Variants in ZSCAN5B observed in about 807,000 individuals in gnomAD.
ZSCAN5B encodes zinc finger and SCAN domain-containing protein 5B.
Under a neutral mutation model 25.2 loss-of-function variants are expected in ZSCAN5B, and 26 were observed. That is an observed-to-expected ratio of 1.03 (90% CI 0.76 to 1.43). The LOEUF is 1.43. Ranked by LOEUF, ZSCAN5B falls within the 40% of genes most tolerant of loss-of-function variation. The pLI is 0.00. For synonymous variants in ZSCAN5B, 244 were observed against 240.9 expected, an observed-to-expected ratio of 1.01 and a Z score of -0.12; for missense variants, 745 against 622.1, an observed-to-expected ratio of 1.20 and a Z score of -2.10.
rs928490305 is a variant in ZSCAN5B, at chr19:56,197,788, G to T, written c.-182C>A. The T allele has an allele frequency of 7.1e-6, 7 of 985,116 alleles. No homozygotes were observed. Among genetic ancestry groups the T allele is most frequent in the Non-Finnish European group, 8.4e-6 (7 of 829,918 alleles). The allele number at this position is 985,116 out of a possible 1,614,324, so 61.0% of individuals were successfully genotyped here. ...TCGGTCTGGGATGCGCTCTCCAACC[G>T]GCCTGGAGCTGAACTGCGTCTATTT... On this transcript the variant is annotated 5_prime_UTR_variant, in exon 1 of 5. Transcript: ENST00000586855.
chr19:56,195,852 A>G (rs10410743), intron 1 of ZSCAN5B, among the ~76,000 whole-genome samples: 1,816 of 36,820 alleles, frequency 0.049, 39 homozygotes, highest in African/African-American at 0.11. Context: ...TTTTTTTTTA[A>G]AGTTATCTAT....
In ZSCAN5B at chr19:56,190,672, TC is replaced by T. The variant is rs1311716398; in HGVS notation, c.740-98del. ...CAAACACTGACCTTGGCTGAGAACT[TC>T]CCCTCAACCTCAAGCCTAAGACATT... On this transcript the variant is annotated intron_variant, in intron 4 of 4. Coordinates refer to ENST00000586855, the Ensembl canonical transcript of ZSCAN5B. 11 of 1,553,510 alleles carry T rather than the reference TC, an allele frequency of 7.1e-6. No individual in the cohort carries two copies. In the African/African-American group the frequency reaches 1.2e-4, roughly 17 times the overall value.
chr19:56,191,626 C>A (rs926766485), intron 3 of ZSCAN5B, among the ~76,000 whole-genome samples: 2 of 136,742 alleles, frequency 1.5e-5, no homozygotes, highest in African/African-American at 2.6e-5. Context: ...TTCTTACCCA[C>A]CCCCCCACCC....
intron 1 of ZSCAN5B, among the ~76,000 whole-genome samples, chr19:56,194,763 C>A (rs1568586467): frequency 6.6e-6 from 1 of 152,014 alleles, no homozygotes; most frequent in Admixed American, 6.6e-5. Flanking sequence ...TACAGGCCCC[C>A]GCCCAGCTAA....
At position 56,190,716 on chromosome 19, in the gene ZSCAN5B, A is replaced by G. The variant is rs114175631; in HGVS notation, c.739+121T>C. On this transcript the variant is annotated intron_variant, in intron 4 of 4. Coordinates refer to ENST00000586855, the Ensembl canonical transcript of ZSCAN5B. ...AAGACATTGGACTGTAGGTCTCTGGAAAGTGGAGGAGAGATTTTGGCAGCT... is the reference window on the plus strand; with the variant it reads ...AAGACATTGGACTGTAGGTCTCTGGGAAGTGGAGGAGAGATTTTGGCAGCT... The G allele has an allele frequency of 1.0e-3, 1,615 of 1,540,876 alleles. 21 individuals are homozygous for G. The African/African-American group carries it at 0.02, about 19-fold the overall frequency.
Position 56,193,956 on chromosome 19 carries a change from C to CAA in ZSCAN5B, c.-127-779_-127-778dup, listed in dbSNP as rs34181873. ...TGGGTGACAGAGTAAGACTCCATCT[C>CAA]AAAAAAAAAAAAAAAAAAATCCTAT... On this transcript the variant is annotated intron_variant, in intron 1 of 4. Coordinates refer to ENST00000586855, the Ensembl canonical transcript of ZSCAN5B. Among the ~76,000 whole-genome samples the CAA allele has an allele frequency of 2.8e-4, 35 of 123,624 alleles. 1 individual carries two copies. The highest frequency in any genetic ancestry group is 1.3e-3 in the South Asian group (5 of 3,802). The allele number at this position is 123,624 out of a possible 152,430, so 81.1% of individuals were successfully genotyped here.
At chr19:56,191,809 T>C (rs2032737692) in intron 3 of ZSCAN5B, 41 bp downstream of exon 3, 1 of 1,599,904 alleles carries the variant, frequency 6.3e-7, no homozygotes, top group African/African-American at 1.3e-5. Flanking sequence ...TCCTGTTCCT[T>C]CTCCCACCTC....
chr19:56,191,223 C>G (rs1016180921), intron 3 of ZSCAN5B, among the ~76,000 whole-genome samples: 2 of 152,074 alleles, frequency 1.3e-5, no homozygotes, highest in Non-Finnish European at 2.9e-5. Context: ...TTCTCCCCGC[C>G]GTGCCAATGT....
rs563854065 is a variant in ZSCAN5B at position 56,197,426 on chromosome 19, C to T, written c.-128+308G>A. On this transcript the variant is annotated intron_variant, in intron 1 of 4. Coordinates refer to ENST00000586855, the Ensembl canonical transcript of ZSCAN5B. ...CTAATTTTTGTATTTTTGTTAGAGT[C>T]GGGGTTTCACCATGTTGGTCAGACT... 1.4e-4 allele frequency among the ~76,000 whole-genome samples: 21 copies of T among 152,200 alleles called. No individual in the cohort carries two copies. In the East Asian group the frequency reaches 1.9e-3, roughly 14 times the overall value.
chr19:56,190,176 TCTCCTGTGTGTGAC>T lies in ZSCAN5B; in HGVS notation c.1125_1138del (p.Ser376GlnfsTer6). 1 of 1,614,032 alleles carries T rather than the reference TCTCCTGTGTGTGAC, an allele frequency of 6.2e-7. No homozygotes were observed. ...ACAGAGATCACATTGAAAGGGTCTG[TCTCCTGTGTGTGAC>T]CTCCTGTGGATGCTTAGCTGGGAAA... On this transcript the variant is annotated frameshift_variant, in exon 5 of 5. Transcript: ENST00000586855. LOFTEE classifies it low-confidence loss of function (END_TRUNC).
chr19:56,192,969 G>A (rs1290075699), exon 2 of ZSCAN5B: 2 of 1,610,950 alleles, frequency 1.2e-6, no homozygotes, highest in Non-Finnish European at 8.5e-7. Flanking sequence ...GAGTTTCTGG[G>A]GACGCCACAG....
chr19:56,197,341 G>T (rs887837589), intron 1 of ZSCAN5B, among the ~76,000 whole-genome samples: 2 of 151,632 alleles, frequency 1.3e-5, no homozygotes, highest in Admixed American at 6.6e-5. Context: ...GGGTTCAAAC[G>T]ACTCTCCTGA....
exon 2 of ZSCAN5B, chr19:56,192,755 G>A (rs540995370): frequency 6.2e-7 from 1 of 1,606,482 alleles, no homozygotes; most frequent in East Asian, 2.2e-5. Flanking sequence ...AAGACCTGGA[G>A]CTCCTGGGGC....
chr19:56,193,639 A>C (rs2032769232), intron 1 of ZSCAN5B, among the ~76,000 whole-genome samples: 1 of 152,188 alleles, frequency 6.6e-6, no homozygotes, highest in Non-Finnish European at 1.5e-5. Context: ...CAGGATATTT[A>C]TTTGCTGCAG....
intron 1 of ZSCAN5B, among the ~76,000 whole-genome samples, chr19:56,194,319 A>T (rs1353534860): frequency 6.6e-6 from 1 of 152,068 alleles, no homozygotes; most frequent in Non-Finnish European, 1.5e-5. Flanking sequence ...TTTTTGAGAC[A>T]GGGTCTTGCT....
At chr19:56,192,174 T>C (rs2032746279) in intron 2 of ZSCAN5B, 121 bp from the exon 3 acceptor site, 3 of 967,930 alleles carry the variant, frequency 3.1e-6, no homozygotes, top group South Asian at 3.2e-5. Flanking sequence ...ACCTTCCTGA[T>C]GCAGAATCAG....
Position 56,191,039 on chromosome 19 carries a change from T to C in ZSCAN5B, c.589-52A>G, listed in dbSNP as rs954903750. 20 of 1,612,160 alleles carry C rather than the reference T, an allele frequency of 1.2e-5. 1 individual carries two copies. The highest frequency in any genetic ancestry group is 4.4e-5 in the South Asian group (4 of 90,892). Reference sequence around the variant, plus strand: ...ACTGCCGTGTCTATACTGGTGGAAGTAGGGACATGTCTGTCCCCTCCTGAC... The same window carrying C: ...ACTGCCGTGTCTATACTGGTGGAAGCAGGGACATGTCTGTCCCCTCCTGAC... On this transcript the variant is annotated intron_variant, in intron 3 of 4. Coordinates refer to ENST00000586855, the Ensembl canonical transcript of ZSCAN5B.
chr19:56,194,124 A>G (rs2032777145), intron 1 of ZSCAN5B, among the ~76,000 whole-genome samples: 1 of 152,048 alleles, frequency 6.6e-6, no homozygotes, highest in South Asian at 2.1e-4. Context: ...ACCCCAAAAG[A>G]GAACGCCATC....
chr19:56,190,530 G>A (rs759248787), exon 5 of ZSCAN5B: 1 of 1,613,644 alleles, frequency 6.2e-7, no homozygotes, highest in Non-Finnish European at 8.5e-7. Context: ...ATTTTCCACA[G>A]AGGCTCTTTT....
Sources: gnomAD v4.1 joint callset for allele counts (sites outside exome capture counted in the v4.1 genomes callset) on GRCh38, gnomAD v4.1.1 for gene constraint, MANE v1.5 for transcripts, NCBI Gene and HGNC (gene_info 2026-07-23, HGNC 2026-07-21) for gene names.